Variants in STX17 observed in about 807,000 individuals in gnomAD.
STX17 encodes the protein syntaxin 17.
In STX17, 29 loss-of-function variants were observed where a neutral mutation model predicts 35.9. That is an observed-to-expected ratio of 0.81 (90% CI 0.60 to 1.10). STX17 has a LOEUF of 1.10. Ranked by LOEUF, STX17 falls within the 50% of genes least tolerant of loss-of-function variation. STX17 has a pLI of 0.00. For synonymous variants in STX17, 92 were observed against 118.3 expected (o/e 0.78, Z 1.44); for missense variants, 312 against 352.3 (o/e 0.89, Z 0.92).
In STX17 at chr9:99,916,846, A is replaced by G. The variant is rs906156671; in HGVS notation, c.123+1484A>G. Among the ~76,000 whole-genome samples the G allele has an allele frequency of 2.5e-4, 38 of 152,086 alleles. 1 individual carries two copies. Among genetic ancestry groups the G allele is most frequent in the African/African-American group, 9.2e-4 (38 of 41,412 alleles). Reference sequence around the variant, plus strand: ...GGCCATTTCTTTCCTTTGTTGTCCTACTTTTCCTTTGAGGTTTGGCATGTC... The same window carrying G: ...GGCCATTTCTTTCCTTTGTTGTCCTGCTTTTCCTTTGAGGTTTGGCATGTC... On this transcript the variant is annotated intron_variant, in intron 2 of 7. Transcript: ENST00000259400.
At chr9:99,954,147 A>G (rs1030821245) in intron 4 of STX17, 16 of 152,074 alleles carry the variant, frequency 1.1e-4, no homozygotes, top group Non-Finnish European at 2.2e-4. Flanking sequence ...AAACTTCTCA[A>G]TTCACCAAAT....
intron 1 of STX17, among the ~76,000 whole-genome samples, chr9:99,909,520 A>G (rs1828617794): frequency 6.6e-6 from 1 of 152,252 alleles, no homozygotes; most frequent in African/African-American, 2.4e-5. Flanking sequence ...AGGCAGTGTG[A>G]TAGATTGGGA....
At chr9:99,945,773 AT>A (rs755332049) in intron 3 of STX17, 10,354 of 305,038 alleles carry the variant, frequency 0.034, no homozygotes, top group South Asian at 0.057. Context: ...TGGAACAAAA[AT>A]TTTTTTTTTT....
chr9:99,939,546 C>T (rs1192494559), intron 3 of STX17, among the ~76,000 whole-genome samples: 2 of 152,208 alleles, frequency 1.3e-5, no homozygotes, highest in Admixed American at 6.5e-5. Flanking sequence ...TTTTAAGATA[C>T]TTTCCAATTT....
chr9:99,911,708 C>A (rs1189598845), intron 1 of STX17, among the ~76,000 whole-genome samples: 1 of 152,006 alleles, frequency 6.6e-6, no homozygotes, highest in East Asian at 1.9e-4. Flanking sequence ...CTTGGTGTCA[C>A]TGGGACTACA....
At chr9:99,960,077 A>G (rs1829796031) in intron 5 of STX17, 28 bp from the exon 6 acceptor site, 2 of 1,613,896 alleles carry the variant, frequency 1.2e-6, no homozygotes, top group Admixed American at 3.3e-5. Context: ...GAGGCATAAA[A>G]GTAACTTCCT....
Position 99,974,278 on chromosome 9 carries a change from T to G in STX17, c.*5605T>G, listed in dbSNP as rs1304304454. Among the ~76,000 whole-genome samples the G allele has an allele frequency of 6.6e-6, 1 of 152,218 alleles. No homozygotes were observed. The highest frequency in any genetic ancestry group is 2.4e-5 in the African/African-American group (1 of 41,452). On this transcript the variant is annotated 3_prime_UTR_variant, in exon 8 of 8. Coordinates refer to ENST00000259400, the MANE Select transcript of STX17 (RefSeq NM_017919.3). ...TGGTACATGTTTTCTGTACACTTCA[T>G]GAGTAGTTGAGATTTTCTTGTATTA...
chr9:99,957,706 G>T (rs1322638255), intron 4 of STX17, among the ~76,000 whole-genome samples: 1 of 149,234 alleles, frequency 6.7e-6, no homozygotes, highest in Non-Finnish European at 1.5e-5. Context: ...CCAGGCTGGA[G>T]TCAGTGGAGT....
chr9:99,933,976 G>A (rs1459426370), intron 3 of STX17, among the ~76,000 whole-genome samples: 2 of 152,104 alleles, frequency 1.3e-5, no homozygotes, highest in East Asian at 3.9e-4. Flanking sequence ...TACATAGACA[G>A]GAATTCACAA....
intron 6 of STX17, among the ~76,000 whole-genome samples, chr9:99,963,754 A>AG (rs1275887351): frequency 6.6e-6 from 1 of 152,214 alleles, no homozygotes; most frequent in Non-Finnish European, 1.5e-5. Flanking sequence ...CTCTGTTAGC[A>AG]ACATCCTACT....
At chr9:99,928,060 CTATT>C (rs558889963) in intron 2 of STX17, among the ~76,000 whole-genome samples, 91 of 152,116 alleles carry the variant, frequency 6.0e-4, no homozygotes, top group African/African-American at 2.0e-3. Context: ...TTTAATGTAA[CTATT>C]CACATCTGCT....
In STX17 at chr9:99,951,183, T is replaced by C. The variant is rs1829585552; in HGVS notation, c.313T>C (p.Phe105Leu). The change falls in exon 4 of 8, where the codon TTT (phenylalanine) becomes CTT (leucine). Residue 105 changes from phenylalanine to leucine, a missense_variant. By Grantham distance (22) the Phe-to-Leu change is conservative. Coordinates refer to ENST00000259400, the MANE Select transcript of STX17 (RefSeq NM_017919.3). ...KEEASAATAE[F>L]LQLHLESVEE... Reference sequence around the variant, plus strand: ...AGAAGCATCAGCAGCAACAGCAGAATTTCTCCAACTCCATTTGGAATCTGT... The same window carrying C: ...AGAAGCATCAGCAGCAACAGCAGAACTTCTCCAACTCCATTTGGAATCTGT... 6.2e-7 allele frequency: 1 copy of C among 1,613,170 alleles called. No homozygotes were observed. The highest frequency in any genetic ancestry group is 8.5e-7 in the Non-Finnish European group (1 of 1,179,276).
At chr9:99,954,959 T>A (rs531740151) in intron 4 of STX17, among the ~76,000 whole-genome samples, 7 of 152,230 alleles carry the variant, frequency 4.6e-5, no homozygotes, top group Non-Finnish European at 8.8e-5. Flanking sequence ...CTAAAGCAAA[T>A]CTTCTCTGCC....
At chr9:99,945,972 A>G (rs760321304) in intron 3 of STX17, 1 of 155,712 alleles carries the variant, frequency 6.4e-6, no homozygotes, top group African/African-American at 2.4e-5. Flanking sequence ...AATCCCAGCT[A>G]CTCGGGAGGC....
intron 4 of STX17, among the ~76,000 whole-genome samples, chr9:99,954,877 AAAG>A (rs1829676674): frequency 1.3e-5 from 2 of 152,106 alleles, no homozygotes; most frequent in South Asian, 4.1e-4. Flanking sequence ...CTGGAGAATG[AAAG>A]AAGCTTATTA....
Position 99,962,987 on chromosome 9 carries a change from A to G in STX17, c.582+2832A>G, listed in dbSNP as rs1454102055. On this transcript the variant is annotated intron_variant, in intron 6 of 7. Coordinates refer to ENST00000259400, the MANE Select transcript of STX17 (RefSeq NM_017919.3). Reference sequence around the variant, plus strand: ...ACCATGTATTTAAGGAACACTTTCTATCTGCGTAGCACTGTGCTAAGCTTA... The same window carrying G: ...ACCATGTATTTAAGGAACACTTTCTGTCTGCGTAGCACTGTGCTAAGCTTA... Among the ~76,000 whole-genome samples, 4 of 152,218 alleles carry G rather than the reference A, an allele frequency of 2.6e-5. No individual in the cohort carries two copies. In the South Asian group the frequency reaches 6.2e-4, roughly 24 times the overall value.
intron 1 of STX17, among the ~76,000 whole-genome samples, chr9:99,911,230 G>T (rs568768954): frequency 1.4e-4 from 21 of 152,128 alleles, no homozygotes; most frequent in Admixed American, 5.2e-4. Flanking sequence ...TAGAGACGGG[G>T]TTTCACCATG....
intron 3 of STX17, among the ~76,000 whole-genome samples, chr9:99,939,581 A>T (rs2118423212): frequency 6.6e-6 from 1 of 152,356 alleles, no homozygotes; most frequent in Middle Eastern, 3.4e-3. Context: ...TGTGGACAAG[A>T]TACTGTGTTT....
At chr9:99,930,692 T>C (rs1156537690) in intron 3 of STX17, among the ~76,000 whole-genome samples, 1 of 152,208 alleles carries the variant, frequency 6.6e-6, no homozygotes, top group Non-Finnish European at 1.5e-5. Flanking sequence ...TGTGTTTACA[T>C]CTCTATTTTC....
Sources: gnomAD v4.1 joint callset for allele counts (sites outside exome capture counted in the v4.1 genomes callset) on GRCh38, gnomAD v4.1.1 for gene constraint, MANE v1.5 for transcripts, NCBI Gene and HGNC (gene_info 2026-07-23, HGNC 2026-07-21) for gene names.